Variants in NPHP4 observed in about 807,000 individuals in gnomAD.
The protein encoded by NPHP4 is nephrocystin 4, also known as nephrocystin-4.
Under a neutral mutation model 155.8 loss-of-function variants are expected in NPHP4, and 151 were observed. That is an observed-to-expected ratio of 0.97 (90% CI 0.85 to 1.11). The LOEUF is 1.11. NPHP4 is among the 50% of genes least tolerant of loss of function. NPHP4 has a pLI of 0.00. For synonymous variants in NPHP4, 845 were observed against 816.8 expected (o/e 1.03, Z -0.59); for missense variants, 1,956 against 1,925.7 (o/e 1.02, Z -0.29).
chr1:5,964,941 A>ATATATATATTTTTTTTTT, intron 5 of NPHP4, among the ~76,000 whole-genome samples: 4 of 59,428 alleles, frequency 6.7e-5, no homozygotes, highest in African/African-American at 3.4e-4. Flanking sequence ...ATATATATAT[A>ATATATATATTTTTTTTTT]TTTTTTTTTT....
At chr1:5,945,019 G>T (rs1217414569) in intron 9 of NPHP4, among the ~76,000 whole-genome samples, 1 of 152,196 alleles carries the variant, frequency 6.6e-6, no homozygotes, top group Admixed American at 6.5e-5. Flanking sequence ...CCGCACCCCA[G>T]ACGCCCATGA....
At chr1:5,928,357 G>A (rs1330240335) in intron 10 of NPHP4, among the ~76,000 whole-genome samples, 1 of 152,260 alleles carries the variant, frequency 6.6e-6, no homozygotes, top group Non-Finnish European at 1.5e-5. Context: ...GCATAAGACT[G>A]AGGAGATTCA....
chr1:5,967,951 C>T (rs1651837162), intron 4 of NPHP4, among the ~76,000 whole-genome samples: 2 of 152,036 alleles, frequency 1.3e-5, no homozygotes, highest in African/African-American at 4.8e-5. Context: ...TTAACCCTAG[C>T]TGAAAGGATG....
intron 22 of NPHP4, chr1:5,873,760 ACACCCCCTGCAGGCACACCTCACACAC>A (rs1378617042): frequency 5.6e-5 from 16 of 285,830 alleles, no homozygotes. Flanking sequence ...CGGGCATGAC[ACACCCCCTGCAGGCACACCTCACACAC>A]CACCCCCTGC....
intron 18 of NPHP4, among the ~76,000 whole-genome samples, chr1:5,883,324 G>A (rs1461106921): frequency 6.6e-6 from 1 of 151,882 alleles, no homozygotes; most frequent in Non-Finnish European, 1.5e-5. Context: ...CACGCTCCGG[G>A]CCACGCTGCC....
At chr1:5,872,295 C>T (rs1477858254) in intron 23 of NPHP4, among the ~76,000 whole-genome samples, 1 of 152,240 alleles carries the variant, frequency 6.6e-6, no homozygotes, top group Non-Finnish European at 1.5e-5. Flanking sequence ...CTGCCACGGG[C>T]TCACAACGGT....
chr1:5,945,932 G>C (rs115442234), intron 9 of NPHP4, among the ~76,000 whole-genome samples: 2 of 151,944 alleles, frequency 1.3e-5, no homozygotes, highest in African/African-American at 4.8e-5. Context: ...TCATCCCTCC[G>C]TCCCGCATAT....
chr1:5,868,806 A>G (rs908980961), intron 23 of NPHP4, among the ~76,000 whole-genome samples: 2 of 142,948 alleles, frequency 1.4e-5, no homozygotes, highest in Non-Finnish European at 3.0e-5. Flanking sequence ...ACATACATGC[A>G]CACACATCCA....
intron 17 of NPHP4, chr1:5,888,547 T>C (rs1189821118): frequency 1.5e-6 from 2 of 1,350,216 alleles, no homozygotes; most frequent in East Asian, 9.1e-5. Flanking sequence ...ATACGATCAC[T>C]GCATAGACAT....
chr1:5,985,891 C>G (rs1285686887), intron 2 of NPHP4, among the ~76,000 whole-genome samples: 1 of 152,220 alleles, frequency 6.6e-6, no homozygotes, highest in Non-Finnish European at 1.5e-5. Flanking sequence ...CCAGCTTCAA[C>G]ATGGTCAGAA....
intron 9 of NPHP4, among the ~76,000 whole-genome samples, chr1:5,942,697 G>C (rs1646888247): frequency 6.6e-6 from 1 of 151,422 alleles, no homozygotes; most frequent in Non-Finnish European, 1.5e-5. Flanking sequence ...CTGGAGGAAA[G>C]GCCATCAGGG....
intron 7 of NPHP4, among the ~76,000 whole-genome samples, chr1:5,949,369 C>CACACACA (rs1047844844): frequency 6.6e-6 from 1 of 151,826 alleles, no homozygotes; most frequent in African/African-American, 2.4e-5. Context: ...CACACACACA[C>CACACACA]AACTTGCTAA....
intron 20 of NPHP4, among the ~76,000 whole-genome samples, chr1:5,876,696 T>C (rs1642642312): frequency 6.6e-6 from 1 of 152,214 alleles, no homozygotes; most frequent in Non-Finnish European, 1.5e-5. Context: ...TCTATTTAGA[T>C]TTTCAGCCAA....
chr1:5,867,643 G>A lies in NPHP4; in HGVS notation c.3472+97C>T, dbSNP rs944572278. The A allele has an allele frequency of 2.3e-5, 30 of 1,288,552 alleles. No individual in the cohort carries two copies. The highest frequency in any genetic ancestry group is 3.2e-5 in the Non-Finnish European group (29 of 920,436). 79.8% of individuals were successfully genotyped at this position (1,288,552 alleles called of 1,614,324 possible). On this transcript the variant is annotated intron_variant, in intron 24 of 29. Transcript: ENST00000378156. This position sits in a 1 kb window ranked among gnomAD's most constrained non-coding sequence, Gnocchi z 4.1. ...CACGTGCTGCTCTGACAGCACCAGG[G>A]CATGAAGCCATGAGGCCATCTGTCA...
chr1:5,942,260 A>G (rs1646855260), intron 9 of NPHP4, among the ~76,000 whole-genome samples: 1 of 152,154 alleles, frequency 6.6e-6, no homozygotes, highest in Non-Finnish European at 1.5e-5. Context: ...GGCCATGCAC[A>G]GTGGCTCATG....
chr1:5,939,284 G>A (rs911335732), intron 9 of NPHP4, among the ~76,000 whole-genome samples: 7 of 152,372 alleles, frequency 4.6e-5, no homozygotes, highest in African/African-American at 1.2e-4. Flanking sequence ...TCTTCACACA[G>A]GGTAATAGGT....
At chr1:5,940,805 G>A in intron 9 of NPHP4, among the ~76,000 whole-genome samples, 1 of 152,010 alleles carries the variant, frequency 6.6e-6, no homozygotes, top group South Asian at 2.1e-4. Context: ...AAATAGACTT[G>A]AACAAATGGA....
Position 5,957,627 on chromosome 1 carries a change from GATATTTAATTCA to G in NPHP4, c.673+4155_673+4166del, listed in dbSNP as rs1570633671. Among the ~76,000 whole-genome samples, 5 of 105,460 alleles carry G rather than the reference GATATTTAATTCA, an allele frequency of 4.7e-5. No individual in the cohort carries two copies. The East Asian group carries it at 1.3e-3, about 28-fold the overall frequency. The allele number at this position is 105,460 out of a possible 152,430, so 69.2% of individuals were successfully genotyped here. On this transcript the variant is annotated intron_variant, in intron 6 of 29. Coordinates refer to ENST00000378156, the MANE Select transcript of NPHP4 (RefSeq NM_015102.5). ...AAAAACAAGACCGCTGCAACAGTGG[GATATTTAATTCA>G]GCAGAATGCACCTCAAAAACAAGAC...
At chr1:5,899,853 G>A (rs182963039) in intron 16 of NPHP4, among the ~76,000 whole-genome samples, 85 of 152,330 alleles carry the variant, frequency 5.6e-4, no homozygotes, top group Admixed American at 8.5e-4. Context: ...TGCAAAATAC[G>A]TATCTGATAA....
Sources: gnomAD v4.1 joint callset for allele counts (sites outside exome capture counted in the v4.1 genomes callset) on GRCh38, gnomAD v4.1.1 for gene constraint, Gnocchi (gnomAD v3.1) non-coding constraint, MANE v1.5 for transcripts, NCBI Gene and HGNC (gene_info 2026-07-23, HGNC 2026-07-21) for gene names.